DNAAF3: variants seen among roughly 807,000 people sequenced by gnomAD.
The protein encoded by DNAAF3 is dynein axonemal assembly factor 3.
In DNAAF3, 40 loss-of-function variants were observed where a neutral mutation model predicts 50.9. The observed-to-expected ratio is 0.79, with a 90% confidence interval of 0.61 to 1.02. DNAAF3 has a LOEUF of 1.02. Ranked by LOEUF, DNAAF3 falls within the 50% of genes least tolerant of loss-of-function variation. The pLI is 0.00. For synonymous variants in DNAAF3, 327 were observed against 322.8 expected, an observed-to-expected ratio of 1.01 and a Z score of -0.14; for missense variants, 763 against 744.7, an observed-to-expected ratio of 1.02 and a Z score of -0.29.
In DNAAF3 at chr19:55,160,866, T is replaced by G; in HGVS notation, c.913-91A>C. On this transcript the variant is annotated intron_variant, in intron 8 of 11. Transcript: ENST00000524407. The surrounding 1 kb of genome is among the most constrained non-coding windows in gnomAD (Gnocchi z 4.7). ...GGAGTCCTCGGTCCAGGACTAGAAC[T>G]CCCGCAGCTGCTTGGAGGATGTGAA... 1 of 1,506,592 alleles carries G rather than the reference T, an allele frequency of 6.6e-7. No individual in the cohort carries two copies. The highest frequency in any genetic ancestry group is 8.8e-7 in the Non-Finnish European group (1 of 1,134,956). The allele number at this position is 1,506,592 out of a possible 1,614,324, so 93.3% of individuals were successfully genotyped here. A position where few individuals can be genotyped will look rare whatever the true frequency, so the allele number is the denominator to read the frequency against.
chr19:55,161,057 C>G lies in DNAAF3; in HGVS notation c.912+8G>C. On this transcript the variant is annotated splice_region_variant and intron_variant, in intron 8 of 11. Transcript: ENST00000524407. This position sits in a 1 kb window ranked among gnomAD's most constrained non-coding sequence, Gnocchi z 6.4. ...ACCTCTACCCCCAGTCCCAGCCTCGCCGCGCACCTTGACTGGCTGGCCGTT... is the reference window on the plus strand; with the variant it reads ...ACCTCTACCCCCAGTCCCAGCCTCGGCGCGCACCTTGACTGGCTGGCCGTT... The G allele has an allele frequency of 6.5e-7, 1 of 1,537,252 alleles. No homozygotes were observed. The highest frequency in any genetic ancestry group is 8.7e-7 in the Non-Finnish European group (1 of 1,143,788).
rs546293010 is a variant in DNAAF3, at chr19:55,159,334, C to G, written c.1354G>C (p.Ala452Pro). The stretch of plus-strand genomic sequence containing the variant: ...GATTCCTGGGACTTGCAGAAACGTG[C>G]GAAGGTCTCTGAAGGCCTGGCCCCG... ...QTGARPSETFARFCKSQESAL... is the reference protein window; with the variant it reads ...QTGARPSETFPRFCKSQESAL... Residue 452 changes from alanine (A) to proline (P), a missense_variant, in exon 12 of 12, where the codon GCA (alanine) becomes CCA (proline). By Grantham distance (27) the Ala-to-Pro change is conservative. Transcript: ENST00000524407. 11 of 1,614,030 alleles carry G rather than the reference C, an allele frequency of 6.8e-6. No homozygotes were observed. Among genetic ancestry groups the G allele is most frequent in the South Asian group, 1.1e-5 (1 of 91,094 alleles).
Position 55,161,115 on chromosome 19 carries a change from C to A in DNAAF3, c.862G>T (p.Glu288Ter). The A allele has an allele frequency of 6.5e-7, 1 of 1,546,342 alleles. No homozygotes were observed. ...ATGPFVAFGI[E>*]ADDESLLRTS... is the part of the protein sequence containing the mutation. ...CGCAGGAGGCTCTCGTCGTCCGCTTCGATGCCGAAGGCCACGAAGGGCCCC... is the reference window on the plus strand; with the variant it reads ...CGCAGGAGGCTCTCGTCGTCCGCTTAGATGCCGAAGGCCACGAAGGGCCCC... Residue 288 changes from glutamate (E) to a stop codon, truncating the protein, a stop_gained, in exon 8 of 12, where the codon GAA (glutamate) becomes TAA (stop). Transcript: ENST00000524407. LOFTEE classifies it high-confidence loss of function. This position sits in a 1 kb window ranked among gnomAD's most constrained non-coding sequence, Gnocchi z 6.4.
chr19:55,160,024 G>A lies in DNAAF3; in HGVS notation c.1049-11C>T. 4 of 1,536,742 alleles carry A rather than the reference G, an allele frequency of 2.6e-6. No individual in the cohort carries two copies. Among genetic ancestry groups the A allele is most frequent in the Non-Finnish European group, 3.6e-6 (4 of 1,111,650 alleles). On this transcript the variant is annotated splice_polypyrimidine_tract_variant and intron_variant, in intron 9 of 11. Transcript: ENST00000524407. This position sits in a 1 kb window ranked among gnomAD's most constrained non-coding sequence, Gnocchi z 4.7. ...CCGGGGTCGGGGCTGCTGGGGGAAG[G>A]GGATAGAGGGGTCACCTCTGACAGG...
rs200616533 is a variant in DNAAF3, at chr19:55,164,519, TTTTC to T, written c.322+847_322+850del. ...AAATAAACAAACAAACCTGTTTTCT[TTTTC>T]TTTCTTTCTTTTTTTTTTAGATGGA... On this transcript the variant is annotated intron_variant, in intron 4 of 11. Coordinates refer to ENST00000524407, the MANE Select transcript of DNAAF3 (RefSeq NM_001256715.2). 8.5e-4 allele frequency among the ~76,000 whole-genome samples: 124 copies of T among 146,476 alleles called. No individual in the cohort carries two copies. In the Middle Eastern group the frequency reaches 0.015, roughly 18 times the overall value.
rs1393735238 is a variant in DNAAF3 at position 55,163,013 on chromosome 19, T to C, written c.323-723A>G. 1.5e-4 allele frequency among the ~76,000 whole-genome samples: 17 copies of C among 116,972 alleles called. 1 individual carries two copies. Among genetic ancestry groups the C allele is most frequent in the Admixed American group, 3.2e-4 (4 of 12,330 alleles). 76.7% of individuals were successfully genotyped at this position (116,972 alleles called of 152,430 possible). A position where few individuals can be genotyped will look rare whatever the true frequency, so the allele number is the denominator to read the frequency against. On this transcript the variant is annotated intron_variant, in intron 4 of 11. Coordinates refer to ENST00000524407, the MANE Select transcript of DNAAF3 (RefSeq NM_001256715.2). Reference sequence around the variant, plus strand: ...TTTCTTTTTCTTTTTTTTTTTTTTTTTTTTTTTTTTTTTTGAGACGGAGTC... The same window carrying C: ...TTTCTTTTTCTTTTTTTTTTTTTTTCTTTTTTTTTTTTTTGAGACGGAGTC...
Position 55,161,911 on chromosome 19 carries a change from C to A in DNAAF3, c.481-86G>T. On this transcript the variant is annotated intron_variant, in intron 5 of 11. Coordinates refer to ENST00000524407, the MANE Select transcript of DNAAF3 (RefSeq NM_001256715.2). This position sits in a 1 kb window ranked among gnomAD's most constrained non-coding sequence, Gnocchi z 6.4. ...TTCTAATTGACCCTCTCTTCCATCC[C>A]AGAACAGGGGAACGATTCCCCCGTT... 7.5e-7 allele frequency: 1 copy of A among 1,340,418 alleles called. No individual in the cohort carries two copies. Among genetic ancestry groups the A allele is most frequent in the South Asian group, 1.8e-5 (1 of 56,116 alleles). 83.0% of individuals were successfully genotyped at this position (1,340,418 alleles called of 1,614,324 possible).
At chr19:55,165,707 C>A in intron 3 of DNAAF3, 151 bp downstream of exon 3, 1 of 1,367,310 alleles carries the variant, frequency 7.3e-7, no homozygotes, top group South Asian at 1.3e-5. Flanking sequence ...CCTTCCTTCC[C>A]CCAAGACGCA....
In DNAAF3 at chr19:55,160,159, A is replaced by G; in HGVS notation, c.1049-146T>C. On this transcript the variant is annotated intron_variant, in intron 9 of 11. Coordinates refer to ENST00000524407, the MANE Select transcript of DNAAF3 (RefSeq NM_001256715.2). This position sits in a 1 kb window ranked among gnomAD's most constrained non-coding sequence, Gnocchi z 4.7. Reference sequence around the variant, plus strand: ...TTGTCCTCTTGCAGCTTTTTAAAAAATCCTCTAAGGTAGGCTCCTGGAAAG... The same window carrying G: ...TTGTCCTCTTGCAGCTTTTTAAAAAGTCCTCTAAGGTAGGCTCCTGGAAAG... 1 of 658,252 alleles carries G rather than the reference A, an allele frequency of 1.5e-6. No individual in the cohort carries two copies. The highest frequency in any genetic ancestry group is 1.8e-5 in the South Asian group (1 of 55,544). 40.8% of individuals were successfully genotyped at this position (658,252 alleles called of 1,614,324 possible).
Position 55,165,136 on chromosome 19 carries a change from T to C in DNAAF3, c.322+234A>G, listed in dbSNP as rs1466693226. 8.1e-5 allele frequency among the ~76,000 whole-genome samples: 12 copies of C among 147,888 alleles called. No homozygotes were observed. In the Admixed American group the frequency reaches 8.2e-4, roughly 10 times the overall value. ...GCTCCGCCTGCCGGGTTCACGCCATTCTCCTGCCTCGGCCTCCCAAAGTGC... is the reference window on the plus strand; with the variant it reads ...GCTCCGCCTGCCGGGTTCACGCCATCCTCCTGCCTCGGCCTCCCAAAGTGC... On this transcript the variant is annotated intron_variant, in intron 4 of 11. Transcript: ENST00000524407.
At chr19:55,159,637 T>C (rs370632397) in intron 10 of DNAAF3, 30 bp from the exon 11 acceptor site, 1 of 1,612,206 alleles carries the variant, frequency 6.2e-7, no homozygotes, top group South Asian at 1.1e-5. Flanking sequence ...CAGGCTGAGA[T>C]TCAGCTCCAA....
rs1272969050 is a variant in DNAAF3 at position 55,159,543 on chromosome 19, C to T, written c.1228G>A (p.Glu410Lys). Residue 410 changes from glutamate to lysine, a missense_variant, in exon 11 of 12, where the codon GAA becomes AAA. By Grantham distance (56) the Glu-to-Lys change is moderately conservative. Transcript: ENST00000524407. ...CVAPGGNLIV[E>K]LARYLVDVRQ... ...ACCCCACTGACTCACCGGGCTAATT[C>T]CACAATCAAGTTCCCTCCGGGTGCC... 1 of 1,599,352 alleles carries T rather than the reference C, an allele frequency of 6.3e-7. No individual in the cohort carries two copies. Among genetic ancestry groups the T allele is most frequent in the Non-Finnish European group, 8.5e-7 (1 of 1,172,160 alleles).
Position 55,161,039 on chromosome 19 carries a change from C to G in DNAAF3, c.912+26G>C, listed in dbSNP as rs926495036. 2.6e-6 allele frequency: 4 copies of G among 1,524,276 alleles called. No individual in the cohort carries two copies. The highest frequency in any genetic ancestry group is 2.0e-5 in the Admixed American group (1 of 50,078). The allele number at this position is 1,524,276 out of a possible 1,614,324, so 94.4% of individuals were successfully genotyped here. Reference sequence around the variant, plus strand: ...CCACCGACCCCCAGCCCCACCTCTACCCCCAGTCCCAGCCTCGCCGCGCAC... The same window carrying G: ...CCACCGACCCCCAGCCCCACCTCTAGCCCCAGTCCCAGCCTCGCCGCGCAC... On this transcript the variant is annotated intron_variant, in intron 8 of 11. Coordinates refer to ENST00000524407, the MANE Select transcript of DNAAF3 (RefSeq NM_001256715.2). The surrounding 1 kb of genome is among the most constrained non-coding windows in gnomAD (Gnocchi z 6.4).
chr19:55,161,546 C>A lies in DNAAF3; in HGVS notation c.663+97G>T. 6.8e-7 allele frequency: 1 copy of A among 1,470,670 alleles called. No homozygotes were observed. Among genetic ancestry groups the A allele is most frequent in the Non-Finnish European group, 9.0e-7 (1 of 1,111,486 alleles). 91.1% of individuals were successfully genotyped at this position (1,470,670 alleles called of 1,614,324 possible). On this transcript the variant is annotated intron_variant, in intron 6 of 11. Transcript: ENST00000524407. The surrounding 1 kb of genome is among the most constrained non-coding windows in gnomAD (Gnocchi z 6.4). The stretch of plus-strand genomic sequence containing the variant: ...CCTCCCTCAGACCCAGGAGTTCAGG[C>A]CCCCAAACCCTCCTCCCTCAGACTC...
chr19:55,162,462 C>G, intron 4 of DNAAF3, 172 bp from the exon 5 acceptor site: 1 of 911,712 alleles, frequency 1.1e-6, no homozygotes. Flanking sequence ...TGGCGGGCGC[C>G]TGTAATCCCA....
Position 55,159,949 on chromosome 19 carries a change from G to A in DNAAF3, c.1113C>T (p.His371=). ...ATCGGCCGTTGTAGCAGCTCTTGTG[G>A]TGGAGAGTCTGAGCAGAATTGAGCG... ...FLPLNSAQTL[H]HKSCYNGRFQ... Residue 371 remains histidine, a synonymous_variant, in exon 10 of 12, where the codon CAC becomes CAT. Coordinates refer to ENST00000524407, the MANE Select transcript of DNAAF3 (RefSeq NM_001256715.2). 1 of 1,614,016 alleles carries A rather than the reference G, an allele frequency of 6.2e-7. No homozygotes were observed.
intron 4 of DNAAF3, among the ~76,000 whole-genome samples, chr19:55,163,259 C>T (rs2085875133): frequency 2.0e-5 from 3 of 151,346 alleles, no homozygotes; most frequent in African/African-American, 2.4e-5. Context: ...CCACCCGCCT[C>T]AGCCTCCCAA....
At chr19:55,165,308 A>T in intron 4 of DNAAF3, 62 bp downstream of exon 4, 2 of 1,464,224 alleles carry the variant, frequency 1.4e-6, no homozygotes, top group Non-Finnish European at 1.9e-6. Context: ...TTGAAATGCC[A>T]GAATCCCTCT....
rs1481263699 is a variant in DNAAF3 at position 55,160,707 on chromosome 19, C to T, written c.981G>A (p.Ala327=). 6.2e-7 allele frequency: 1 copy of T among 1,613,518 alleles called. No homozygotes were observed. The highest frequency in any genetic ancestry group is 1.7e-5 in the Admixed American group (1 of 60,006). ...CCTCCAGGTCCCCCCCGGTGGCTCT[C>T]GCGCGCCCCCAGGCGGCCACGTCGC... The part of the protein sequence containing the change: ...LLRDVAAWGR[A]RATGGDLEEQ... Residue 327 remains alanine, a synonymous_variant, in exon 9 of 12, where the codon GCG becomes GCA. Coordinates refer to ENST00000524407, the MANE Select transcript of DNAAF3 (RefSeq NM_001256715.2). This position sits in a 1 kb window ranked among gnomAD's most constrained non-coding sequence, Gnocchi z 4.7.
Sources: allele counts gnomAD v4.1 joint callset (sites outside exome capture counted in the v4.1 genomes callset), GRCh38; gene constraint gnomAD v4.1.1; non-coding constraint Gnocchi (gnomAD v3.1); transcripts MANE v1.5; gene names NCBI Gene and HGNC (gene_info 2026-07-23, HGNC 2026-07-21).